Variants in TSHZ2 observed in about 807,000 individuals in gnomAD.
TSHZ2 encodes teashirt homolog 2.
In TSHZ2, 21 loss-of-function variants were observed where a neutral mutation model predicts 74.4. That is an observed-to-expected ratio of 0.28 (90% CI 0.20 to 0.41). The LOEUF is 0.41. TSHZ2 is among the 10% of genes least tolerant of loss of function. TSHZ2 has a pLI of 1.00. For missense variants in TSHZ2, 1,244 were observed against 1,293.5 expected (o/e 0.96, Z 0.59); for synonymous variants, 540 against 515.3 (o/e 1.05, Z -0.65).
intron 2 of TSHZ2, among the ~76,000 whole-genome samples, chr20:53,262,002 G>T (rs1423562509): frequency 6.6e-6 from 1 of 152,146 alleles, no homozygotes; most frequent in African/African-American, 2.4e-5. Flanking sequence ...CGCCAGAGCT[G>T]CTCTCTGTGA....
rs45522640 is a variant in TSHZ2 at position 53,253,713 on chromosome 20, G to A, written c.255G>A (p.Leu85=). ...SNQDAENESL[L]SDASDQVSDI... Reference sequence around the variant, plus strand: ...AGGATGCCGAGAACGAGTCTCTGCTGAGTGACGCCAGTGATCAGGTGTCGG... The same window carrying A: ...AGGATGCCGAGAACGAGTCTCTGCTAAGTGACGCCAGTGATCAGGTGTCGG... Residue 85 remains leucine (L), a synonymous_variant, in exon 2 of 3, where the codon CTG becomes CTA. Transcript: ENST00000371497. 2 of 1,614,078 alleles carry A rather than the reference G, an allele frequency of 1.2e-6. No homozygotes were observed. The highest frequency in any genetic ancestry group is 1.3e-5 in the African/African-American group (1 of 74,926).
intron 2 of TSHZ2, among the ~76,000 whole-genome samples, chr20:53,271,002 G>T (rs35858314): frequency 6.6e-6 from 1 of 152,120 alleles, no homozygotes; most frequent in African/African-American, 2.4e-5. Context: ...ATGGAGATGG[G>T]TCCCTATTGG....
intron 1 of TSHZ2, among the ~76,000 whole-genome samples, chr20:53,127,203 A>C (rs1181210070): frequency 6.6e-6 from 1 of 152,228 alleles, no homozygotes; most frequent in Non-Finnish European, 1.5e-5. Flanking sequence ...ATATGTATTG[A>C]GTGCCCACTA....
At chr20:53,118,796 C>G (rs905748859) in intron 1 of TSHZ2, among the ~76,000 whole-genome samples, 1 of 152,142 alleles carries the variant, frequency 6.6e-6, no homozygotes, top group Non-Finnish European at 1.5e-5. Context: ...TCCATTCTCA[C>G]ATTGCTTTAA....
intron 2 of TSHZ2, among the ~76,000 whole-genome samples, chr20:53,390,919 T>G (rs971101957): frequency 6.6e-6 from 1 of 152,188 alleles, no homozygotes; most frequent in Admixed American, 6.5e-5. Context: ...AGAGTAAATA[T>G]TTTTAGCTTT....
intron 2 of TSHZ2, among the ~76,000 whole-genome samples, chr20:53,374,405 G>A (rs6022429): frequency 6.6e-6 from 1 of 152,106 alleles, no homozygotes; most frequent in East Asian, 1.9e-4. Flanking sequence ...TAGGCATTTA[G>A]GTTGATCCCA....
In TSHZ2 at chr20:53,433,584, G is replaced by GACACACAGAC. The variant is rs377070953; in HGVS notation, c.*9-53553_*9-53552insGACACACACA. On this transcript the variant is annotated intron_variant, in intron 2 of 2. Coordinates refer to ENST00000371497, the MANE Select transcript of TSHZ2 (RefSeq NM_173485.6). Reference sequence around the variant, plus strand: ...ACCAACACAGACACACAGACACACAGACACACACACACACACACACACACA... The same window carrying GACACACAGAC: ...ACCAACACAGACACACAGACACACAGACACACAGACACACACACACACACACACACACACA... Among the ~76,000 whole-genome samples the GACACACAGAC allele has an allele frequency of 5.8e-3, 801 of 137,144 alleles. 6 individuals carry two copies. The highest frequency in any genetic ancestry group is 0.017 in the African/African-American group (591 of 34,986). The allele number at this position is 137,144 out of a possible 152,430, so 90.0% of individuals were successfully genotyped here.
Position 53,491,758 on chromosome 20 carries a change from T to C in TSHZ2, c.*4623T>C, listed in dbSNP as rs1046973079. The C allele has an allele frequency of 2.6e-5, 4 of 152,234 alleles. No homozygotes were observed. The East Asian group carries it at 5.8e-4, about 22-fold the overall frequency. The allele number at this position is 152,234 out of a possible 1,614,324, so 9.4% of individuals were successfully genotyped here. ...AAAATGCTAGTACCAGGTGGAACGC[T>C]ATTTCTGCAACAGGACTCTGTCCAT... On this transcript the variant is annotated 3_prime_UTR_variant, in exon 3 of 3. Transcript: ENST00000371497.
chr20:53,027,244 A>T (rs1983478836), intron 1 of TSHZ2, among the ~76,000 whole-genome samples: 1 of 152,196 alleles, frequency 6.6e-6, no homozygotes. Flanking sequence ...TTATTTTAAA[A>T]TATATGCATA....
chr20:52,982,276 G>A (rs1444078233), intron 1 of TSHZ2, among the ~76,000 whole-genome samples: 2 of 152,186 alleles, frequency 1.3e-5, no homozygotes, highest in African/African-American at 2.4e-5. Flanking sequence ...TGCTTCCAAA[G>A]TCCATGCATT....
At chr20:53,159,303 G>A (rs996441726) in intron 1 of TSHZ2, among the ~76,000 whole-genome samples, 1 of 152,152 alleles carries the variant, frequency 6.6e-6, no homozygotes, top group Non-Finnish European at 1.5e-5. Context: ...TACAGCTCAT[G>A]GGCCAAGTCC....
chr20:53,001,222 G>GTGTATGTGTGTGTGTGTGTGTA (rs1555813599), intron 1 of TSHZ2, among the ~76,000 whole-genome samples: 4 of 147,268 alleles, frequency 2.7e-5, no homozygotes, highest in African/African-American at 1.0e-4. Flanking sequence ...GTGTGTGTGT[G>GTGTATGTGTGTGTGTGTGTGTA]TGTGTGTGTG....
chr20:53,300,860 C>A (rs1447459442), intron 2 of TSHZ2, among the ~76,000 whole-genome samples: 2 of 152,060 alleles, frequency 1.3e-5, no homozygotes, highest in African/African-American at 4.8e-5. Flanking sequence ...TCCTTTTTGC[C>A]CAGTGGAAGG....
At chr20:53,401,364 A>G (rs537606408) in intron 2 of TSHZ2, 1 of 152,320 alleles carries the variant, frequency 6.6e-6, no homozygotes, top group South Asian at 2.1e-4. Context: ...TACCTTTTCT[A>G]TGTTTTTAAT....
intron 1 of TSHZ2, among the ~76,000 whole-genome samples, chr20:53,007,884 TACA>T (rs1982704548): frequency 6.6e-6 from 1 of 152,056 alleles, no homozygotes; most frequent in Non-Finnish European, 1.5e-5. Context: ...AAAATAATAA[TACA>T]ACACAGCAAA....
At chr20:53,244,938 A>G (rs936558383) in intron 1 of TSHZ2, among the ~76,000 whole-genome samples, 1 of 152,226 alleles carries the variant, frequency 6.6e-6, no homozygotes, top group Non-Finnish European at 1.5e-5. Context: ...ACACATAAAC[A>G]AAGCTGGTTC....
intron 1 of TSHZ2, among the ~76,000 whole-genome samples, chr20:53,047,768 T>C (rs1984278897): frequency 6.6e-6 from 1 of 152,054 alleles, no homozygotes; most frequent in South Asian, 2.1e-4. Flanking sequence ...TAAGAGAGTG[T>C]CCTTATAATA....
chr20:53,129,690 A>G (rs1987048824), intron 1 of TSHZ2, among the ~76,000 whole-genome samples: 1 of 151,708 alleles, frequency 6.6e-6, no homozygotes, highest in South Asian at 2.1e-4. Context: ...CACACACACA[A>G]TGAATGAAGG....
intron 1 of TSHZ2, among the ~76,000 whole-genome samples, chr20:52,995,210 T>A (rs1423974315): frequency 1.3e-5 from 2 of 152,204 alleles, no homozygotes; most frequent in African/African-American, 4.8e-5. Flanking sequence ...ACCCAAGGAA[T>A]GGAGTTGGGG....
Sources: allele counts gnomAD v4.1 joint callset (sites outside exome capture counted in the v4.1 genomes callset), GRCh38; gene constraint gnomAD v4.1.1; transcripts MANE v1.5; gene names NCBI Gene and HGNC (gene_info 2026-07-23, HGNC 2026-07-21).